Variants in CDC42SE2 observed in about 807,000 individuals in gnomAD.
CDC42SE2 encodes CDC42 small effector protein 2.
In CDC42SE2, 3 loss-of-function variants were observed where a neutral mutation model predicts 11.5. The observed-to-expected ratio is 0.26, with a 90% CI of 0.12 to 0.67. CDC42SE2 has a LOEUF of 0.67. Among genes scored for constraint, CDC42SE2 ranks in the 30% least tolerant of loss-of-function variants. The pLI is 0.80. For synonymous variants in CDC42SE2, 33 were observed against 34.8 expected, an observed-to-expected ratio of 0.95 and a Z score of 0.18; for missense variants, 82 against 106.8, an observed-to-expected ratio of 0.77 and a Z score of 1.02.
chr5:131,346,989 T>A (rs1469772359), intron 2 of CDC42SE2, among the ~76,000 whole-genome samples: 1 of 152,078 alleles, frequency 6.6e-6, no homozygotes, highest in Non-Finnish European at 1.5e-5. Flanking sequence ...CCGGGACACA[T>A]TTAAAGCAGT....
the CDC42SE2 span, among the ~76,000 whole-genome samples, chr5:131,236,730 A>C: frequency 6.6e-6 from 1 of 152,138 alleles, no homozygotes; most frequent in East Asian, 1.9e-4. Flanking sequence ...AACCGATTAA[A>C]TTTACTTCTT....
intron 1 of CDC42SE2, among the ~76,000 whole-genome samples, chr5:131,293,243 T>C (rs181688048): frequency 1.3e-5 from 2 of 152,208 alleles, no homozygotes; most frequent in African/African-American, 2.4e-5. Context: ...CCTTCTACCA[T>C]GTGAAGATAC....
the CDC42SE2 span, among the ~76,000 whole-genome samples, chr5:131,226,570 G>A: frequency 6.6e-6 from 1 of 152,190 alleles, no homozygotes; most frequent in African/African-American, 2.4e-5. Flanking sequence ...GCCAAACTTT[G>A]TAGAGATTAC....
chr5:131,241,371 C>T (rs1026189601), upstream of CDC42SE2, among the ~76,000 whole-genome samples: 2 of 152,122 alleles, frequency 1.3e-5, no homozygotes, highest in Non-Finnish European at 2.9e-5. Flanking sequence ...GGGCATTATT[C>T]TAAAGTAAGC....
At chr5:131,346,543 C>G (rs1283138858) in intron 2 of CDC42SE2, among the ~76,000 whole-genome samples, 1 of 152,164 alleles carries the variant, frequency 6.6e-6, no homozygotes, top group African/African-American at 2.4e-5. Context: ...GATTCCCACA[C>G]AATAATAATG....
At chr5:131,334,305 G>A (rs1444361674) in intron 2 of CDC42SE2, among the ~76,000 whole-genome samples, 6 of 152,156 alleles carry the variant, frequency 3.9e-5, no homozygotes, top group African/African-American at 7.2e-5. Flanking sequence ...TGCATCCCAG[G>A]GAGGAAGCCC....
At chr5:131,377,083 GCTAAA>G (rs1265677198) in intron 3 of CDC42SE2, among the ~76,000 whole-genome samples, 1 of 151,936 alleles carries the variant, frequency 6.6e-6, no homozygotes, top group Non-Finnish European at 1.5e-5. Flanking sequence ...TTCCACAATG[GCTAAA>G]CTAATTTACA....
intron 2 of CDC42SE2, among the ~76,000 whole-genome samples, chr5:131,325,111 C>T (rs1437586899): frequency 1.3e-5 from 2 of 152,048 alleles, no homozygotes; most frequent in Non-Finnish European, 2.9e-5. Context: ...TTGGAGTTTT[C>T]CCTCTTATAA....
At chr5:131,315,091 T>A (rs564645990) in intron 1 of CDC42SE2, among the ~76,000 whole-genome samples, 4 of 152,034 alleles carry the variant, frequency 2.6e-5, no homozygotes, top group African/African-American at 9.6e-5. Flanking sequence ...AATATATGGA[T>A]TATGGTGTGA....
chr5:131,321,180 G>C (rs941588131), intron 2 of CDC42SE2, among the ~76,000 whole-genome samples: 21 of 152,098 alleles, frequency 1.4e-4, no homozygotes, highest in African/African-American at 5.1e-4. Context: ...TTTATCTTAT[G>C]GTTAAATTCT....
At chr5:131,378,717 G>A (rs999338639) in intron 3 of CDC42SE2, among the ~76,000 whole-genome samples, 2 of 152,154 alleles carry the variant, frequency 1.3e-5, no homozygotes, top group Non-Finnish European at 2.9e-5. Flanking sequence ...TACTTATGGT[G>A]TGTTTGTGCC....
At chr5:131,218,239 A>T in the CDC42SE2 span, among the ~76,000 whole-genome samples, 5 of 151,758 alleles carry the variant, frequency 3.3e-5, no homozygotes, top group African/African-American at 1.2e-4. Context: ...ATAAGACTTG[A>T]GTAGACACCT....
chr5:131,311,228 C>T (rs1440928816), intron 1 of CDC42SE2, among the ~76,000 whole-genome samples: 9 of 151,246 alleles, frequency 6.0e-5, no homozygotes, highest in African/African-American at 2.2e-4. Flanking sequence ...ATATGCAATT[C>T]TGGGTTGAAA....
At chr5:131,272,732 C>G (rs1757019674) in intron 1 of CDC42SE2, among the ~76,000 whole-genome samples, 1 of 152,200 alleles carries the variant, frequency 6.6e-6, no homozygotes, top group African/African-American at 2.4e-5. Flanking sequence ...TTTAGTTACT[C>G]CTCTCCAAAA....
At chr5:131,334,336 C>T (rs1317914998) in intron 2 of CDC42SE2, among the ~76,000 whole-genome samples, 5 of 152,138 alleles carry the variant, frequency 3.3e-5, no homozygotes, top group African/African-American at 1.2e-4. Context: ...GGTTGATAAG[C>T]TTTTTGATGT....
the CDC42SE2 span, among the ~76,000 whole-genome samples, chr5:131,212,661 GT>G: frequency 6.6e-6 from 1 of 152,150 alleles, no homozygotes; most frequent in African/African-American, 2.4e-5. Context: ...TCAGTGTACA[GT>G]TACACACCAC....
At chr5:131,363,002 G>A (rs926035771) in intron 3 of CDC42SE2, among the ~76,000 whole-genome samples, 5 of 151,996 alleles carry the variant, frequency 3.3e-5, no homozygotes, top group Non-Finnish European at 7.4e-5. Context: ...AAAATTAGCC[G>A]GTGTGATGTT....
At chr5:131,274,945 T>C (rs1757071453) in intron 1 of CDC42SE2, among the ~76,000 whole-genome samples, 1 of 152,208 alleles carries the variant, frequency 6.6e-6, no homozygotes, top group African/African-American at 2.4e-5. Flanking sequence ...ACAGCTTATA[T>C]GAATGTTTCT....
At chr5:131,378,607 CAA>C (rs758622271) in intron 3 of CDC42SE2, among the ~76,000 whole-genome samples, 50 of 152,134 alleles carry the variant, frequency 3.3e-4, no homozygotes, top group Middle Eastern at 3.2e-3. Context: ...TTGGTACAAA[CAA>C]CTTAGTAAAG....
Sources: allele counts gnomAD v4.1 joint callset (sites outside exome capture counted in the v4.1 genomes callset), GRCh38; gene constraint gnomAD v4.1.1; transcripts MANE v1.5; gene names NCBI Gene and HGNC (gene_info 2026-07-23, HGNC 2026-07-21).